KALRN: variants seen among roughly 807,000 people sequenced by gnomAD.
KALRN encodes kalirin RhoGEF kinase, also known as kalirin.
Under a neutral mutation model 353.7 loss-of-function variants are expected in KALRN, and 70 were observed. The observed-to-expected ratio is 0.20, with a 90% confidence interval of 0.16 to 0.24. KALRN has a LOEUF of 0.24. Among genes scored for constraint, KALRN ranks in the 10% least tolerant of loss-of-function variants. KALRN has a pLI of 1.00. For synonymous variants in KALRN, 1,391 were observed against 1,434.8 expected (o/e 0.97, Z 0.69); for missense variants, 2,791 against 3,756.7 (o/e 0.74, Z 6.72).
chr3:124,647,936 C>G (rs1374556031), intron 37 of KALRN, among the ~76,000 whole-genome samples: 2 of 152,186 alleles, frequency 1.3e-5, no homozygotes, highest in East Asian at 3.9e-4. Context: ...ATTTCTATTC[C>G]CCATCCTTGG....
At chr3:124,232,153 C>T (rs571369566) in intron 2 of KALRN, among the ~76,000 whole-genome samples, 41 of 152,268 alleles carry the variant, frequency 2.7e-4, no homozygotes, top group African/African-American at 9.9e-4. Flanking sequence ...TGGGCATACC[C>T]CATTTATATG....
intron 33 of KALRN, among the ~76,000 whole-genome samples, chr3:124,538,718 G>A (rs1367072259): frequency 1.3e-5 from 2 of 152,244 alleles, no homozygotes; most frequent in Non-Finnish European, 2.9e-5. Flanking sequence ...GCCCCAAAAG[G>A]CCACAGAGCT....
chr3:124,135,128 A>G (rs2065775024), intron 1 of KALRN, among the ~76,000 whole-genome samples: 1 of 152,220 alleles, frequency 6.6e-6, no homozygotes, highest in African/African-American at 2.4e-5. Flanking sequence ...AACCAACCCA[A>G]ATGCCCATCA....
At chr3:124,069,077 A>T (rs1577743574) in intron 1 of KALRN, among the ~76,000 whole-genome samples, 1 of 152,282 alleles carries the variant, frequency 6.6e-6, no homozygotes, top group South Asian at 2.1e-4. Flanking sequence ...AATACCCTCC[A>T]CACGTTTGGT....
chr3:124,491,475 T>TG, intron 31 of KALRN, 51 bp downstream of exon 31: 1 of 1,357,620 alleles, frequency 7.4e-7, no homozygotes. Context: ...ATAATAGAAG[T>TG]GGGGGTGGGC....
At position 124,720,331 on chromosome 3, in the gene KALRN, G is replaced by A. The variant is rs934483903; in HGVS notation, c.*861G>A. The A allele has an allele frequency of 2.6e-5, 4 of 152,552 alleles. No homozygotes were observed. Among genetic ancestry groups the A allele is most frequent in the South Asian group, 4.1e-4 (2 of 4,826 alleles). The allele number at this position is 152,552 out of a possible 1,614,324, so 9.4% of individuals were successfully genotyped here. A position where few individuals can be genotyped will look rare whatever the true frequency, so the allele number is the denominator to read the frequency against. The stretch of plus-strand genomic sequence containing the variant: ...TAAATTCAAATACAGTATGAGCTGC[G>A]GGGATATTTTTGTGTCTACACCAGG... On this transcript the variant is annotated 3_prime_UTR_variant, in exon 60 of 60. Transcript: ENST00000682506.
chr3:124,482,660 C>T (rs2062107323), intron 27 of KALRN, 148 bp from the exon 28 acceptor site: 4 of 585,510 alleles, frequency 6.8e-6, no homozygotes, highest in South Asian at 2.2e-5. Flanking sequence ...CTTTTTACTC[C>T]CCTCTCCCTA....
intron 34 of KALRN, among the ~76,000 whole-genome samples, chr3:124,617,903 T>G (rs1317801340): frequency 1.3e-5 from 2 of 152,076 alleles, no homozygotes; most frequent in African/African-American, 4.8e-5. Context: ...ATACTATTGA[T>G]GAAGTTTTGA....
intron 10 of KALRN, among the ~76,000 whole-genome samples, chr3:124,378,407 A>C (rs570856721): frequency 2.0e-5 from 3 of 152,238 alleles, no homozygotes; most frequent in South Asian, 2.1e-4. Flanking sequence ...TGTTATCATT[A>C]GTTTTTAAAC....
intron 5 of KALRN, among the ~76,000 whole-genome samples, chr3:124,297,040 C>G (rs937905991): frequency 6.6e-6 from 1 of 152,180 alleles, no homozygotes; most frequent in African/African-American, 2.4e-5. Flanking sequence ...AAAGTTGTAT[C>G]TGAGTCCATG....
rs111880516 is a variant in KALRN at position 124,439,187 on chromosome 3, TTCTCTCTCTC to T, written c.3198+155_3198+164del. 1.8e-3 allele frequency: 881 copies of T among 480,462 alleles called. 8 individuals carry two copies. Among genetic ancestry groups the T allele is most frequent in the East Asian group, 3.3e-3 (82 of 24,832 alleles). The allele number at this position is 480,462 out of a possible 1,614,324, so 29.8% of individuals were successfully genotyped here. On this transcript the variant is annotated intron_variant, in intron 18 of 59. Transcript: ENST00000682506. ...TTTCTCCTCCTCCTCCTTCTTCTCC[TTCTCTCTCTC>T]TCTCACACACACACACACACACACA...
intron 10 of KALRN, among the ~76,000 whole-genome samples, chr3:124,362,908 G>T (rs2084218025): frequency 6.6e-6 from 1 of 152,188 alleles, no homozygotes; most frequent in South Asian, 2.1e-4. Flanking sequence ...ACAGCTAAGA[G>T]AATAGGATTA....
chr3:124,251,545 T>A (rs2071176102), intron 3 of KALRN, among the ~76,000 whole-genome samples: 1 of 151,980 alleles, frequency 6.6e-6, no homozygotes, highest in Admixed American at 6.6e-5. Context: ...ACTTTTGGTA[T>A]TTTTTTGTAG....
At chr3:124,456,773 G>A in intron 23 of KALRN, 45 bp downstream of exon 23, 1 of 1,382,938 alleles carries the variant, frequency 7.2e-7, no homozygotes, top group Non-Finnish European at 1.0e-6. Context: ...CCGTGACTAT[G>A]CTGGGCTTTC....
At chr3:124,495,961 GTATGTATATA>G (rs1307719711) in intron 32 of KALRN, among the ~76,000 whole-genome samples, 2 of 37,894 alleles carry the variant, frequency 5.3e-5, no homozygotes, top group Non-Finnish European at 5.1e-5. Context: ...GTATGTGTAT[GTATGTATATA>G]TATATATATA....
At chr3:124,353,293 G>A (rs1271029633) in intron 10 of KALRN, among the ~76,000 whole-genome samples, 3 of 151,960 alleles carry the variant, frequency 2.0e-5, no homozygotes, top group Admixed American at 2.0e-4. Context: ...ATAGTAATAA[G>A]GGCAAAATAA....
At chr3:124,300,574 C>T (rs944570702) in intron 6 of KALRN, among the ~76,000 whole-genome samples, 3 of 152,208 alleles carry the variant, frequency 2.0e-5, no homozygotes, top group Non-Finnish European at 4.4e-5. Flanking sequence ...GCTCACATTC[C>T]GTTGGCCAAC....
rs376221553 is a variant in KALRN, at chr3:124,439,200, TCACA to T, written c.3198+197_3198+200del. Among the ~76,000 whole-genome samples, 426 of 98,864 alleles carry T rather than the reference TCACA, an allele frequency of 4.3e-3. 6 individuals carry two copies. Among genetic ancestry groups the T allele is most frequent in the South Asian group, 7.9e-3 (19 of 2,410 alleles). 64.9% of individuals were successfully genotyped at this position (98,864 alleles called of 152,430 possible). ...TCCTTCTTCTCCTTCTCTCTCTCTCTCACACACACACACACACACACACACACAC... is the reference window on the plus strand; with the variant it reads ...TCCTTCTTCTCCTTCTCTCTCTCTCTCACACACACACACACACACACACAC... On this transcript the variant is annotated intron_variant, in intron 18 of 59. Transcript: ENST00000682506.
chr3:124,277,672 C>T (rs566998687), intron 5 of KALRN, among the ~76,000 whole-genome samples: 4 of 152,284 alleles, frequency 2.6e-5, no homozygotes, highest in African/African-American at 4.8e-5. Context: ...GAGATTAGCA[C>T]GCCTGCAGGA....
Sources: allele counts gnomAD v4.1 joint callset (sites outside exome capture counted in the v4.1 genomes callset), GRCh38; gene constraint gnomAD v4.1.1; transcripts MANE v1.5; gene names NCBI Gene and HGNC (gene_info 2026-07-23, HGNC 2026-07-21).